The following STK24 variants were observed in gnomAD, a reference collection of about 807,000 sequenced individuals.
STK24 encodes serine/threonine-protein kinase 24.
STK24 carries 21 observed loss-of-function variants against 55.6 expected under a neutral mutation model. That is an observed-to-expected ratio of 0.38 (90% CI 0.27 to 0.54). The LOEUF is 0.54. Among genes scored for constraint, STK24 ranks in the 20% least tolerant of loss-of-function variants. The pLI, the probability that STK24 is intolerant of heterozygous loss-of-function variation, is 0.79. For synonymous variants in STK24, 200 were observed against 215.2 expected, an observed-to-expected ratio of 0.93 and a Z score of 0.62; for missense variants, 383 against 538.4, an observed-to-expected ratio of 0.71 and a Z score of 2.86.
chr13:98,541,700 G>T (rs1293620162), intron 1 of STK24, among the ~76,000 whole-genome samples: 1 of 152,126 alleles, frequency 6.6e-6, no homozygotes. Context: ...AGAACACAAA[G>T]GTGAGATGAA....
intron 1 of STK24, among the ~76,000 whole-genome samples, chr13:98,574,646 T>C (rs896667804): frequency 1.7e-4 from 26 of 152,228 alleles, no homozygotes; most frequent in Non-Finnish European, 4.4e-5. Context: ...CCAACTTACC[T>C]ACCTCTAAAA....
At chr13:98,491,542 A>G (rs1317345782) in intron 2 of STK24, among the ~76,000 whole-genome samples, 1 of 152,214 alleles carries the variant, frequency 6.6e-6, no homozygotes, top group African/African-American at 2.4e-5. Flanking sequence ...TTACTGGATC[A>G]CATCCTCACA....
intron 1 of STK24, among the ~76,000 whole-genome samples, chr13:98,550,443 C>T (rs1163988578): frequency 1.3e-5 from 2 of 152,140 alleles, no homozygotes; most frequent in East Asian, 1.9e-4. Context: ...GCAGGAGGAT[C>T]GCCTGCGCCT....
chr13:98,457,852 A>C (rs571288786), intron 9 of STK24, among the ~76,000 whole-genome samples: 1 of 152,332 alleles, frequency 6.6e-6, no homozygotes, highest in East Asian at 1.9e-4. Context: ...CATAATCATT[A>C]CTGTTCGAGG....
chr13:98,557,108 G>T (rs2139444767), intron 1 of STK24, among the ~76,000 whole-genome samples: 1 of 152,324 alleles, frequency 6.6e-6, no homozygotes, highest in South Asian at 2.1e-4. Flanking sequence ...AGCAGGTAAA[G>T]CTAGGTGGAG....
At position 98,449,392 on chromosome 13, in the gene STK24, G is replaced by A. The variant is rs944834374; in HGVS notation, c.*3781C>T. On this transcript the variant is annotated 3_prime_UTR_variant, in exon 11 of 11. Coordinates refer to ENST00000539966, the MANE Select transcript of STK24 (RefSeq NM_001032296.4). ...TCAGTCGGACTGCACAGGGAACACG[G>A]TTTCCAGTGGCTTTGGCCCCTACTC... The A allele has an allele frequency of 2.6e-5, 4 of 152,118 alleles. No individual in the cohort carries two copies. The highest frequency in any genetic ancestry group is 9.7e-5 in the African/African-American group (4 of 41,410). 9.4% of individuals were successfully genotyped at this position (152,118 alleles called of 1,614,324 possible).
At chr13:98,468,750 T>C (rs1229058463) in intron 5 of STK24, among the ~76,000 whole-genome samples, 1 of 152,256 alleles carries the variant, frequency 6.6e-6, no homozygotes, top group East Asian at 1.9e-4. Flanking sequence ...TATGAATTTT[T>C]TCTGGTACAA....
chr13:98,460,113 C>T lies in STK24; in HGVS notation c.1122+259G>A, dbSNP rs143548769. 2.3e-3 allele frequency among the ~76,000 whole-genome samples: 352 copies of T among 152,320 alleles called. 5 individuals are homozygous for T. Among genetic ancestry groups the T allele is most frequent in the Non-Finnish European group, 5.0e-4 (34 of 68,022 alleles). ...TGAGATTTGCTAAAAAGCAGGGCAA[C>T]GGGTGACACAGGGTCTCGGGCTGGG... On this transcript the variant is annotated intron_variant, in intron 9 of 10. Coordinates refer to ENST00000539966, the MANE Select transcript of STK24 (RefSeq NM_001032296.4).
chr13:98,515,964 A>G (rs1398986677), intron 2 of STK24, among the ~76,000 whole-genome samples: 1 of 152,220 alleles, frequency 6.6e-6, no homozygotes, highest in African/African-American at 2.4e-5. Context: ...CACTATTTCC[A>G]GCTCTGTGCC....
At chr13:98,553,833 G>A (rs564495323) in intron 1 of STK24, 3 of 152,110 alleles carry the variant, frequency 2.0e-5, no homozygotes, top group Non-Finnish European at 4.4e-5. Flanking sequence ...AGGCCAAAGT[G>A]GGGGGATCGT....
chr13:98,501,225 G>A (rs762086825), intron 2 of STK24, among the ~76,000 whole-genome samples: 2 of 152,226 alleles, frequency 1.3e-5, no homozygotes, highest in Non-Finnish European at 2.9e-5. Context: ...TCACAGAAGT[G>A]GCCTGTGGAG....
chr13:98,460,535 G>C (rs1893660401), intron 8 of STK24, 95 bp from the exon 9 acceptor site: 5 of 1,019,026 alleles, frequency 4.9e-6, no homozygotes, highest in Non-Finnish European at 3.0e-6. Context: ...GGAAGCGCAG[G>C]AGTTGCCTCT....
chr13:98,545,898 G>A (rs1293518568), intron 1 of STK24, among the ~76,000 whole-genome samples: 3 of 151,944 alleles, frequency 2.0e-5, no homozygotes, highest in African/African-American at 7.3e-5. Context: ...TACAAAAAAA[G>A]AGAAATCATT....
intron 1 of STK24, among the ~76,000 whole-genome samples, chr13:98,574,546 G>A (rs1399289992): frequency 6.6e-6 from 1 of 152,074 alleles, no homozygotes; most frequent in Admixed American, 6.5e-5. Context: ...TTGTGGGGTG[G>A]GGGAGGAGAA....
intron 3 of STK24, among the ~76,000 whole-genome samples, chr13:98,477,071 C>T (rs1448584179): frequency 2.0e-5 from 3 of 152,206 alleles, no homozygotes; most frequent in Admixed American, 6.5e-5. Flanking sequence ...TAAGGCATTA[C>T]GCCACAGACT....
chr13:98,492,667 C>T (rs965819343), intron 2 of STK24, among the ~76,000 whole-genome samples: 1 of 152,212 alleles, frequency 6.6e-6, no homozygotes, highest in Non-Finnish European at 1.5e-5. Flanking sequence ...CAATTTTTCT[C>T]TCCCTGGTCA....
chr13:98,464,233 T>C (rs933683734), intron 6 of STK24, among the ~76,000 whole-genome samples: 2 of 151,742 alleles, frequency 1.3e-5, no homozygotes, highest in Admixed American at 6.6e-5. Flanking sequence ...CTGGCTAACA[T>C]GGTGAAACCC....
rs754656841 is a variant in STK24, at chr13:98,446,646, G to A, written c.*6527C>T. 3.7e-6 allele frequency: 6 copies of A among 1,612,820 alleles called. No homozygotes were observed. In the African/African-American group the frequency reaches 4.0e-5, roughly 11 times the overall value. ...GAAGCTGACCCCGAAAAGCCACTTT[G>A]CTTTGTTTCCCCTTTCCAGGACAAT... is the stretch of plus-strand genomic sequence containing the variant. On this transcript the variant is annotated 3_prime_UTR_variant, in exon 11 of 11. Transcript: ENST00000539966.
intron 10 of STK24, chr13:98,454,026 T>C (rs1297799701): frequency 2.0e-5 from 3 of 152,230 alleles, no homozygotes; most frequent in African/African-American, 7.2e-5. Flanking sequence ...AAGTTTCAGA[T>C]TGGGGATTTG....
Sources: allele counts gnomAD v4.1 joint callset (sites outside exome capture counted in the v4.1 genomes callset), GRCh38; gene constraint gnomAD v4.1.1; transcripts MANE v1.5; gene names NCBI Gene and HGNC (gene_info 2026-07-23, HGNC 2026-07-21).